LAMA4: variants seen among roughly 807,000 people sequenced by gnomAD.
LAMA4 encodes laminin subunit alpha-4.
A neutral mutation model predicts 207.1 loss-of-function variants in LAMA4; 127 were observed. The observed-to-expected ratio is 0.61, with a 90% CI of 0.53 to 0.71. The LOEUF is 0.71. Ranked by LOEUF, LAMA4 falls within the 30% of genes least tolerant of loss-of-function variation. The probability of loss-of-function intolerance (pLI) is 0.00; values close to 1 mark genes in which losing one functional copy is unlikely to be tolerated. For synonymous variants in LAMA4, 761 were observed against 816.0 expected (o/e 0.93, Z 1.15); for missense variants, 2,093 against 2,246.5 (o/e 0.93, Z 1.38).
intron 29 of LAMA4, among the ~76,000 whole-genome samples, chr6:112,130,322 G>A (rs992693929): frequency 4.7e-4 from 71 of 151,740 alleles, no homozygotes; most frequent in African/African-American, 1.7e-3. Context: ...GTGTGTGTGT[G>A]TGTGTGTGTG....
At chr6:112,166,018 T>C (rs1781365032) in intron 12 of LAMA4, among the ~76,000 whole-genome samples, 2 of 152,182 alleles carry the variant, frequency 1.3e-5, no homozygotes, top group African/African-American at 4.8e-5. Flanking sequence ...AAAAGACTCA[T>C]TTTACAATTT....
intron 9 of LAMA4, among the ~76,000 whole-genome samples, chr6:112,182,244 G>C (rs1304816345): frequency 6.6e-6 from 1 of 152,098 alleles, no homozygotes; most frequent in Non-Finnish European, 1.5e-5. Context: ...ATTCATGGTT[G>C]TTCAAGTTTC....
At chr6:112,217,221 C>G (rs1019179065) in intron 2 of LAMA4, among the ~76,000 whole-genome samples, 2 of 152,062 alleles carry the variant, frequency 1.3e-5, no homozygotes, top group Admixed American at 1.3e-4. Context: ...AGCTGCCCTC[C>G]CCAGATATCA....
At chr6:112,248,897 T>C (rs113398476) in intron 2 of LAMA4, among the ~76,000 whole-genome samples, 3,681 of 152,334 alleles carry the variant, frequency 0.024, 151 homozygotes, top group African/African-American at 0.082. Context: ...TTACCACTCT[T>C]AAATGTCAAT....
chr6:112,135,344 T>C (rs1554331242), intron 25 of LAMA4, among the ~76,000 whole-genome samples: 2 of 152,252 alleles, frequency 1.3e-5, no homozygotes, highest in African/African-American at 2.4e-5. Context: ...GGAATCTAGA[T>C]TGCATGTTAC....
chr6:112,218,526 C>T (rs1397748170), intron 2 of LAMA4: 1 of 152,166 alleles, frequency 6.6e-6, no homozygotes, highest in Non-Finnish European at 1.5e-5. Flanking sequence ...TGGGAGCCCA[C>T]AGAATATACT....
Position 112,116,002 on chromosome 6 carries a change from A to G in LAMA4, c.4982-9T>C, listed in dbSNP as rs1554323672. The stretch of plus-strand genomic sequence containing the variant: ...AATATTGAAAGATTCATCTGTGGAG[A>G]GAAACACTATAAACTCCCAAGAACA... On this transcript the variant is annotated splice_polypyrimidine_tract_variant and intron_variant, in intron 35 of 38. Coordinates refer to ENST00000230538, the MANE Select transcript of LAMA4 (RefSeq NM_001105206.3). 4.3e-6 allele frequency: 7 copies of G among 1,611,406 alleles called. No individual in the cohort carries two copies. Among genetic ancestry groups the G allele is most frequent in the African/African-American group, 1.3e-5 (1 of 74,966 alleles).
At chr6:112,196,079 C>A (rs11757069) in intron 5 of LAMA4, among the ~76,000 whole-genome samples, 51,455 of 151,700 alleles carry the variant, frequency 0.34, 9,039 homozygotes, top group Non-Finnish European at 0.39. Context: ...TTATGGGATA[C>A]AGAGTGATAT....
chr6:112,181,658 C>A (rs1427581523), intron 9 of LAMA4, among the ~76,000 whole-genome samples: 1 of 152,134 alleles, frequency 6.6e-6, no homozygotes, highest in Admixed American at 6.5e-5. Flanking sequence ...ACTATTTCTT[C>A]CTTAGAGTTA....
Position 112,117,733 on chromosome 6 carries a change from T to A in LAMA4, c.4981+6A>T, listed in dbSNP as rs1554324422. 6.2e-7 allele frequency: 1 copy of A among 1,612,460 alleles called. No homozygotes were observed. The highest frequency in any genetic ancestry group is 8.5e-7 in the Non-Finnish European group (1 of 1,178,800). On this transcript the variant is annotated splice_donor_region_variant and intron_variant, in intron 35 of 38. Transcript: ENST00000230538. The surrounding 1 kb of genome is among the most constrained non-coding windows in gnomAD (Gnocchi z 4.5). ...TGACTCATATTTTTAACATGACTAA[T>A]GTTACCTAGAACCACGTATCCTCCT...
At position 112,109,585 on chromosome 6, in the gene LAMA4, GAA is replaced by G. The variant is rs1777583568; in HGVS notation, c.5327-5_5327-4del. On this transcript the variant is annotated splice_polypyrimidine_tract_variant and splice_region_variant and intron_variant, in intron 38 of 38. Transcript: ENST00000230538. ...CAAGCGTGGTGTCAGTAGAGATTCT[GAA>G]AAGAGCAAGAAATAAAAACAAAGAT... 1 of 1,613,982 alleles carries G rather than the reference GAA, an allele frequency of 6.2e-7. No homozygotes were observed. Among genetic ancestry groups the G allele is most frequent in the African/African-American group, 1.3e-5 (1 of 75,026 alleles).
chr6:112,201,728 T>G, intron 4 of LAMA4, 40 bp from the exon 5 acceptor site: 2 of 1,515,340 alleles, frequency 1.3e-6, no homozygotes, highest in Non-Finnish European at 1.8e-6. Flanking sequence ...ATTCCATACA[T>G]CACCAAAGAG....
chr6:112,239,048 C>T (rs1026501551), intron 2 of LAMA4, among the ~76,000 whole-genome samples: 8 of 151,700 alleles, frequency 5.3e-5, no homozygotes, highest in Admixed American at 4.6e-4. Flanking sequence ...GGGCTGGGTG[C>T]GGTGGCTCAT....
rs1472505404 is a variant in LAMA4 at position 112,190,930 on chromosome 6, T to TC, written c.718+705dup. On this transcript the variant is annotated intron_variant, in intron 6 of 38. Transcript: ENST00000230538. Reference sequence around the variant, plus strand: ...TTCTTTCTTTCTTTCTTTCTTTCTTTCTTTCTTTCTTTCTTTCCTTTCTTT... The same window carrying TC: ...TTCTTTCTTTCTTTCTTTCTTTCTTTCCTTTCTTTCTTTCTTTCCTTTCTTT... Among the ~76,000 whole-genome samples the TC allele has an allele frequency of 7.6e-3, 600 of 79,442 alleles. 1 individual carries two copies. Among genetic ancestry groups the TC allele is most frequent in the Middle Eastern group, 0.023 (3 of 132 alleles). 52.1% of individuals were successfully genotyped at this position (79,442 alleles called of 152,430 possible).
intron 5 of LAMA4, among the ~76,000 whole-genome samples, chr6:112,198,618 C>G (rs1247889156): frequency 6.6e-6 from 1 of 152,144 alleles, no homozygotes; most frequent in Non-Finnish European, 1.5e-5. Flanking sequence ...TCTAAGGTGG[C>G]TGTGAAGATG....
Position 112,154,905 on chromosome 6 carries a change from C to T in LAMA4, c.2002G>A (p.Glu668Lys), listed in dbSNP as rs781920228. ...IDTQIIYHKD[E>K]SENLLNQARE... ...GCTTGATTGAGGAGGTTCTCACTTT[C>T]ATCTTTATGGTAAATGATTTGAGTA... Residue 668 changes from glutamate (E) to lysine (K), a missense_variant, in exon 16 of 39, where the codon GAA becomes AAA. Coordinates refer to ENST00000230538, the MANE Select transcript of LAMA4 (RefSeq NM_001105206.3). The T allele has an allele frequency of 1.2e-6, 2 of 1,613,568 alleles. No homozygotes were observed. The highest frequency in any genetic ancestry group is 1.7e-6 in the Non-Finnish European group (2 of 1,179,554).
chr6:112,148,462 T>C, intron 17 of LAMA4, 126 bp from the exon 18 acceptor site: 1 of 944,784 alleles, frequency 1.1e-6, no homozygotes, highest in Admixed American at 2.3e-5. Flanking sequence ...AAAAGTAAGA[T>C]TTTTGGATAA....
intron 13 of LAMA4, among the ~76,000 whole-genome samples, chr6:112,159,708 G>C (rs192974381): frequency 2.6e-3 from 397 of 152,276 alleles, no homozygotes; most frequent in Non-Finnish European, 4.1e-3. Flanking sequence ...GTTAGTGGGG[G>C]ACACTTCTTC....
chr6:112,132,237 CTG>C (rs1320394326), intron 28 of LAMA4, among the ~76,000 whole-genome samples: 3 of 151,976 alleles, frequency 2.0e-5, no homozygotes, highest in Non-Finnish European at 4.4e-5. Flanking sequence ...TTAAAATAAT[CTG>C]TGATATTATT....
Sources: gnomAD v4.1 joint callset for allele counts (sites outside exome capture counted in the v4.1 genomes callset) on GRCh38, gnomAD v4.1.1 for gene constraint, Gnocchi (gnomAD v3.1) non-coding constraint, MANE v1.5 for transcripts, NCBI Gene and HGNC (gene_info 2026-07-23, HGNC 2026-07-21) for gene names.